WWOX: variants seen among roughly 807,000 people sequenced by gnomAD.
WWOX encodes the protein WW domain containing oxidoreductase.
WWOX carries 69 observed loss-of-function variants against 46.2 expected under a neutral mutation model. That is an observed-to-expected ratio of 1.49 (90% CI 1.23 to 1.82). WWOX has a LOEUF of 1.82. Ranked by LOEUF, WWOX falls within the 40% of genes most tolerant of loss-of-function variation. The pLI, the probability that WWOX is intolerant of heterozygous loss-of-function variation, is 0.00. For synonymous variants in WWOX, 359 were observed against 202.6 expected, an observed-to-expected ratio of 1.77 and a Z score of -6.56; for missense variants, 919 against 542.6, an observed-to-expected ratio of 1.69 and a Z score of -6.89.
chr16:78,518,467 C>T (rs1337264404), intron 8 of WWOX, among the ~76,000 whole-genome samples: 4 of 152,044 alleles, frequency 2.6e-5, no homozygotes, highest in South Asian at 2.1e-4. Flanking sequence ...GTGATCTGTC[C>T]GCCTCGGCCT....
intron 8 of WWOX, among the ~76,000 whole-genome samples, chr16:78,687,824 A>C (rs1264384568): frequency 6.6e-6 from 1 of 152,198 alleles, no homozygotes; most frequent in Non-Finnish European, 1.5e-5. Flanking sequence ...GTAATCCCTG[A>C]AGCTCTCAAG....
At position 79,021,192 on chromosome 16, in the gene WWOX, C is replaced by G. The variant is rs534834235; in HGVS notation, c.1057-190416C>G. 2.6e-5 allele frequency among the ~76,000 whole-genome samples: 4 copies of G among 152,266 alleles called. No individual in the cohort carries two copies. In the East Asian group the frequency reaches 5.8e-4, roughly 22 times the overall value. On this transcript the variant is annotated intron_variant, in intron 8 of 8. Transcript: ENST00000566780. The stretch of plus-strand genomic sequence containing the variant: ...ATAAAGACAAGGAAACGCCATTCTG[C>G]AAATCTACATGCAGTAAAATAGTTT...
intron 5 of WWOX, among the ~76,000 whole-genome samples, chr16:78,346,939 T>G (rs8050647): frequency 0.18 from 21,711 of 117,994 alleles, 7,091 homozygotes; most frequent in Non-Finnish European, 0.24. Context: ...TTGACCAGGC[T>G]GGTTTCAACT....
chr16:79,081,797 C>T (rs1044084912), intron 8 of WWOX, among the ~76,000 whole-genome samples: 3 of 152,104 alleles, frequency 2.0e-5, no homozygotes, highest in African/African-American at 7.2e-5. Context: ...TGCCTCTGGT[C>T]TCCAGCAGAA....
At chr16:78,895,846 C>T (rs1435732944) in intron 8 of WWOX, 3 of 152,184 alleles carry the variant, frequency 2.0e-5, no homozygotes, top group Non-Finnish European at 4.4e-5. Flanking sequence ...AAGTCGAGTG[C>T]TCTCATGCCA....
At chr16:78,355,642 T>G (rs923389028) in intron 5 of WWOX, 11 of 632,386 alleles carry the variant, frequency 1.7e-5, no homozygotes, top group Non-Finnish European at 2.9e-5. Flanking sequence ...ACCGAGAGCT[T>G]CGAGGCAGAT....
intron 8 of WWOX, among the ~76,000 whole-genome samples, chr16:78,597,663 A>T (rs181292832): frequency 8.1e-4 from 123 of 152,158 alleles, no homozygotes; most frequent in African/African-American, 2.8e-3. Flanking sequence ...ATGCTTTCCA[A>T]ACCCCTAAAT....
At chr16:78,580,918 C>G (rs2045035685) in intron 8 of WWOX, among the ~76,000 whole-genome samples, 1 of 152,168 alleles carries the variant, frequency 6.6e-6, no homozygotes, top group Admixed American at 6.5e-5. Context: ...GGTCATAAGT[C>G]TAATTTAGTA....
chr16:78,115,198 G>C (rs367821987), intron 4 of WWOX, 44 bp downstream of exon 4: 42 of 1,609,352 alleles, frequency 2.6e-5, no homozygotes, highest in Non-Finnish European at 3.5e-5. Flanking sequence ...CTGCTATAAT[G>C]AGATCCACTT....
chr16:78,969,294 A>T (rs150688220), intron 8 of WWOX, among the ~76,000 whole-genome samples: 12 of 150,324 alleles, frequency 8.0e-5, no homozygotes, highest in Non-Finnish European at 7.4e-5. Flanking sequence ...TTTTTGAGGA[A>T]GGGTCTCTCT....
chr16:78,771,082 A>T (rs184943896), intron 8 of WWOX, among the ~76,000 whole-genome samples: 4 of 152,352 alleles, frequency 2.6e-5, no homozygotes, highest in East Asian at 1.9e-4. Context: ...ATGGCATGCA[A>T]GTAAGCCAGC....
At chr16:78,235,224 A>G (rs943763228) in intron 5 of WWOX, among the ~76,000 whole-genome samples, 2 of 152,194 alleles carry the variant, frequency 1.3e-5, no homozygotes, top group African/African-American at 4.8e-5. Flanking sequence ...ACAGCTCAGT[A>G]CTTTAAAATC....
At chr16:79,044,356 G>T (rs764610785) in intron 8 of WWOX, among the ~76,000 whole-genome samples, 53 of 152,338 alleles carry the variant, frequency 3.5e-4, no homozygotes, top group Non-Finnish European at 6.2e-4. Flanking sequence ...GGTGGGGCAT[G>T]GTGGGAGGTG....
intron 8 of WWOX, among the ~76,000 whole-genome samples, chr16:78,982,710 A>C (rs922155095): frequency 1.3e-5 from 2 of 152,200 alleles, no homozygotes; most frequent in African/African-American, 4.8e-5. Flanking sequence ...ATGCTTATTT[A>C]GTGAGGAGAA....
At chr16:78,382,875 C>T (rs557094168) in intron 5 of WWOX, among the ~76,000 whole-genome samples, 3 of 150,944 alleles carry the variant, frequency 2.0e-5, no homozygotes, top group Admixed American at 1.3e-4. Context: ...ATAAACATAC[C>T]TGAGACTGTG....
chr16:79,189,244 C>G (rs979693727), intron 8 of WWOX, among the ~76,000 whole-genome samples: 1 of 151,786 alleles, frequency 6.6e-6, no homozygotes, highest in Non-Finnish European at 1.5e-5. Context: ...TTAGGAAAGC[C>G]TATTTCTTTT....
intron 8 of WWOX, among the ~76,000 whole-genome samples, chr16:78,957,540 C>A (rs914118063): frequency 6.6e-6 from 1 of 152,184 alleles, no homozygotes; most frequent in Non-Finnish European, 1.5e-5. Flanking sequence ...TACTGCTGCA[C>A]ACCTTTAATC....
intron 5 of WWOX, among the ~76,000 whole-genome samples, chr16:78,331,677 G>A (rs1035482129): frequency 2.0e-5 from 3 of 152,158 alleles, no homozygotes; most frequent in African/African-American, 7.2e-5. Context: ...AATGACACAG[G>A]AGACAGGGAA....
intron 8 of WWOX, among the ~76,000 whole-genome samples, chr16:78,937,245 T>C (rs954453538): frequency 3.3e-5 from 5 of 152,120 alleles, no homozygotes; most frequent in Admixed American, 6.5e-5. Context: ...ATTTCAAATT[T>C]ACCTGAAAGT....
Sources: gnomAD v4.1 joint callset for allele counts (sites outside exome capture counted in the v4.1 genomes callset) on GRCh38, gnomAD v4.1.1 for gene constraint, MANE v1.5 for transcripts, NCBI Gene and HGNC (gene_info 2026-07-23, HGNC 2026-07-21) for gene names.